The following EVA1C variants were observed in gnomAD, a reference collection of about 807,000 sequenced individuals.
The protein encoded by EVA1C is protein eva-1 homolog C.
Under a neutral mutation model 45.4 loss-of-function variants are expected in EVA1C, and 25 were observed. The ratio of observed to expected loss-of-function variants is 0.55; its 90% confidence interval spans 0.40 to 0.77. The LOEUF is 0.77. EVA1C is among the 30% of genes least tolerant of loss of function. The pLI, the probability that EVA1C is intolerant of heterozygous loss-of-function variation, is 0.00. For synonymous variants in EVA1C, 190 were observed against 221.2 expected (o/e 0.86, Z 1.25); for missense variants, 479 against 554.8 (o/e 0.86, Z 1.37).
At chr21:32,430,932 C>G (rs2146156945) in intron 1 of EVA1C, among the ~76,000 whole-genome samples, 1 of 142,988 alleles carries the variant, frequency 7.0e-6, no homozygotes, top group East Asian at 2.1e-4. Flanking sequence ...GAGATCACAC[C>G]ACTGCACTCC....
At chr21:32,453,575 T>C in intron 2 of EVA1C, 67 bp downstream of exon 2, 1 of 1,174,508 alleles carries the variant, frequency 8.5e-7, no homozygotes, top group Non-Finnish European at 1.2e-6. Context: ...TCTCTCTGGG[T>C]ATAAATATAT....
chr21:32,412,425 C>T (rs1416269931), upstream of EVA1C: 1 of 154,962 alleles, frequency 6.5e-6, no homozygotes, highest in Admixed American at 6.5e-5. Flanking sequence ...CCACGGGTGC[C>T]CGGCTGTTTC....
chr21:32,444,946 T>G (rs1040909203), intron 1 of EVA1C, among the ~76,000 whole-genome samples: 1 of 150,950 alleles, frequency 6.6e-6, no homozygotes, highest in Non-Finnish European at 1.5e-5. Flanking sequence ...ACACATACCA[T>G]GATTCTTTGA....
At chr21:32,456,792 G>A (rs530943264) in intron 2 of EVA1C, among the ~76,000 whole-genome samples, 1 of 152,276 alleles carries the variant, frequency 6.6e-6, no homozygotes, top group African/African-American at 2.4e-5. Context: ...ATTTGGGAAC[G>A]AGGACCTAGA....
intron 4 of EVA1C, among the ~76,000 whole-genome samples, chr21:32,479,465 C>A (rs2036698714): frequency 6.6e-6 from 1 of 151,944 alleles, no homozygotes; most frequent in South Asian, 2.1e-4. Context: ...GCAGAAGGTG[C>A]AAATAAAATC....
intron 4 of EVA1C, among the ~76,000 whole-genome samples, chr21:32,472,744 G>C (rs934985625): frequency 1.3e-5 from 2 of 152,252 alleles, no homozygotes; most frequent in Admixed American, 1.3e-4. Context: ...TCAGCCAGCA[G>C]TGTTAACGCC....
rs996858040 is a variant in EVA1C at position 32,448,985 on chromosome 21, GAGAA to G, written c.161-4316_161-4313del. ...AGAAAGAAAAAGAAAGAAAGAAAGA[GAGAA>G]AGAAAGAAAGGAGGGAGGGTGGGAA... On this transcript the variant is annotated intron_variant, in intron 1 of 7. Coordinates refer to ENST00000300255, the MANE Select transcript of EVA1C (RefSeq NM_058187.5). Among the ~76,000 whole-genome samples the G allele has an allele frequency of 4.5e-4, 65 of 144,940 alleles. 1 individual carries two copies. The highest frequency in any genetic ancestry group is 1.5e-3 in the African/African-American group (57 of 38,692).
chr21:32,460,170 T>C (rs2035946526), intron 3 of EVA1C, among the ~76,000 whole-genome samples: 1 of 152,096 alleles, frequency 6.6e-6, no homozygotes, highest in African/African-American at 2.4e-5. Context: ...ATTCCCTGAG[T>C]GGCGGTTCTA....
intron 4 of EVA1C, among the ~76,000 whole-genome samples, chr21:32,471,024 A>G (rs111279280): frequency 0.013 from 1,965 of 151,824 alleles, 36 homozygotes; most frequent in Admixed American, 0.038. Context: ...CTCCCACAGT[A>G]CTGGGATTAC....
intron 1 of EVA1C, among the ~76,000 whole-genome samples, chr21:32,419,131 T>C (rs977761125): frequency 6.6e-6 from 1 of 152,186 alleles, no homozygotes; most frequent in Non-Finnish European, 1.5e-5. Context: ...AATAATTATT[T>C]TTTAAAACTT....
intron 5 of EVA1C, among the ~76,000 whole-genome samples, chr21:32,499,021 G>A (rs1174309648): frequency 6.6e-6 from 1 of 152,198 alleles, no homozygotes; most frequent in Admixed American, 6.5e-5. Context: ...CACATTCCCT[G>A]CAGTGGCCTG....
intron 1 of EVA1C, among the ~76,000 whole-genome samples, chr21:32,424,672 A>G (rs553475545): frequency 1.4e-4 from 22 of 152,338 alleles, no homozygotes; most frequent in South Asian, 8.3e-4. Flanking sequence ...AGGTCTTGAG[A>G]ACCCCAGTGC....
chr21:32,444,089 C>A (rs953971078), intron 1 of EVA1C, among the ~76,000 whole-genome samples: 9 of 146,946 alleles, frequency 6.1e-5, no homozygotes, highest in South Asian at 2.2e-4. Context: ...CACACACACA[C>A]ACAAACTCAA....
intron 4 of EVA1C, among the ~76,000 whole-genome samples, chr21:32,484,564 T>C (rs893495614): frequency 4.0e-5 from 6 of 151,684 alleles, no homozygotes; most frequent in Middle Eastern, 3.2e-3. Flanking sequence ...AAAAAATTTA[T>C]TGGGGCGGAC....
chr21:32,431,127 C>T (rs1318118682), intron 1 of EVA1C, among the ~76,000 whole-genome samples: 4 of 152,184 alleles, frequency 2.6e-5, no homozygotes, highest in Non-Finnish European at 5.9e-5. Context: ...GGGACACAGC[C>T]ACACCATATC....
intron 7 of EVA1C, among the ~76,000 whole-genome samples, chr21:32,504,943 G>A (rs181319364): frequency 6.6e-6 from 1 of 150,942 alleles, no homozygotes; most frequent in Non-Finnish European, 1.5e-5. Context: ...GAAGGTGAAT[G>A]AGGAGCAAAG....
intron 1 of EVA1C, among the ~76,000 whole-genome samples, chr21:32,443,992 CAT>C (rs1356021120): frequency 1.3e-5 from 2 of 151,852 alleles, no homozygotes; most frequent in African/African-American, 2.4e-5. Flanking sequence ...TCCCAAAGCA[CAT>C]GTTTCTATGA....
intron 1 of EVA1C, among the ~76,000 whole-genome samples, chr21:32,449,006 G>A (rs2035475780): frequency 6.8e-6 from 1 of 147,428 alleles, no homozygotes; most frequent in Non-Finnish European, 1.5e-5. Context: ...AAAGGAGGGA[G>A]GGTGGGAAGG....
intron 1 of EVA1C, among the ~76,000 whole-genome samples, chr21:32,415,788 C>T (rs1002307462): frequency 6.6e-6 from 1 of 152,174 alleles, no homozygotes; most frequent in African/African-American, 2.4e-5. Flanking sequence ...GGAAGGCTAT[C>T]ATCACTGCAT....
Sources: allele counts gnomAD v4.1 joint callset (sites outside exome capture counted in the v4.1 genomes callset), GRCh38; gene constraint gnomAD v4.1.1; transcripts MANE v1.5; gene names NCBI Gene and HGNC (gene_info 2026-07-23, HGNC 2026-07-21).